Variants in MED13 observed in about 807,000 individuals in gnomAD.
MED13 encodes mediator complex subunit 13.
In MED13, 23 loss-of-function variants were observed where a neutral mutation model predicts 225.2. The observed-to-expected ratio is 0.10, with a 90% CI of 0.07 to 0.14. The LOEUF is 0.14. Among genes scored for constraint, MED13 ranks in the 10% least tolerant of loss-of-function variants. The probability of loss-of-function intolerance (pLI) is 1.00; values close to 1 mark genes in which losing one functional copy is unlikely to be tolerated. For missense variants in MED13, 2,197 were observed against 2,594.5 expected, an observed-to-expected ratio of 0.85 and a Z score of 3.33; for synonymous variants, 942 against 889.2, an observed-to-expected ratio of 1.06 and a Z score of -1.06.
At chr17:61,976,366 C>A (rs1173106422) in intron 16 of MED13, among the ~76,000 whole-genome samples, 1 of 152,182 alleles carries the variant, frequency 6.6e-6, no homozygotes, top group East Asian at 1.9e-4. Context: ...TCTAGAGAGA[C>A]AGAAAATAGA....
intron 9 of MED13, chr17:62,005,217 A>G (rs1014471483): frequency 1.3e-5 from 2 of 152,250 alleles, no homozygotes; most frequent in Non-Finnish European, 2.9e-5. Context: ...TACTTTCAAG[A>G]GACCTGCTGA....
At chr17:62,042,560 C>CAAAAAAAAAAAAA (rs377646442) in intron 3 of MED13, among the ~76,000 whole-genome samples, 1 of 60,300 alleles carries the variant, frequency 1.7e-5, no homozygotes, top group African/African-American at 5.8e-5. Flanking sequence ...GGTTTCATCT[C>CAAAAAAAAAAAAA]AAAAAAAAAA....
intron 19 of MED13, among the ~76,000 whole-genome samples, chr17:61,965,874 T>C (rs1281394935): frequency 6.6e-6 from 1 of 152,206 alleles, no homozygotes; most frequent in Non-Finnish European, 1.5e-5. Flanking sequence ...GTTATGGGGT[T>C]CAAATTATAG....
intron 2 of MED13, among the ~76,000 whole-genome samples, chr17:62,062,429 T>C (rs1243964717): frequency 1.3e-5 from 2 of 152,218 alleles, no homozygotes; most frequent in African/African-American, 4.8e-5. Context: ...TGATCCCATG[T>C]CCCATAAAAG....
chr17:61,948,835 C>T (rs1010159552), intron 28 of MED13, among the ~76,000 whole-genome samples: 2 of 151,082 alleles, frequency 1.3e-5, no homozygotes, highest in Non-Finnish European at 3.0e-5. Flanking sequence ...GCCTGTAATC[C>T]CAGCACTTTG....
chr17:61,961,593 G>A lies in MED13; in HGVS notation c.5251C>T (p.Pro1751Ser). Residue 1751 changes from proline to serine, a missense_variant, in exon 22 of 30, where the codon CCT becomes TCT. Pro to Ser is a moderately conservative substitution (Grantham distance 74). This residue lies in a region of MED13 where 457 missense variants were observed against 442.2 expected (regional missense o/e 1.03). Coordinates refer to ENST00000397786, the MANE Select transcript of MED13 (RefSeq NM_005121.3). ...GLAMETALRS[P>S]DRPECIRLYA... Reference sequence around the variant, plus strand: ...CATGAAAAACATATACTTACATCAGGACTTCTAAGGGCAGTTTCCATGGCT... The same window carrying A: ...CATGAAAAACATATACTTACATCAGAACTTCTAAGGGCAGTTTCCATGGCT... 2 of 1,610,744 alleles carry A rather than the reference G, an allele frequency of 1.2e-6. No individual in the cohort carries two copies. The highest frequency in any genetic ancestry group is 1.1e-5 in the South Asian group (1 of 90,958).
At chr17:62,033,510 A>T (rs1436516034) in intron 5 of MED13, among the ~76,000 whole-genome samples, 1 of 152,216 alleles carries the variant, frequency 6.6e-6, no homozygotes, top group Non-Finnish European at 1.5e-5. Flanking sequence ...GAGTACACTT[A>T]CATGGTTAGG....
intron 2 of MED13, among the ~76,000 whole-genome samples, chr17:62,054,710 A>AT (rs1468354089): frequency 6.6e-6 from 1 of 152,226 alleles, no homozygotes; most frequent in African/African-American, 2.4e-5. Context: ...TTTACCTCAA[A>AT]TTATGAGACT....
At chr17:62,049,799 G>A (rs1403084162) in intron 3 of MED13, among the ~76,000 whole-genome samples, 2 of 151,714 alleles carry the variant, frequency 1.3e-5, no homozygotes, top group Non-Finnish European at 1.5e-5. Flanking sequence ...GCGTGGTGGC[G>A]GGCACCTGTA....
intron 19 of MED13, 102 bp downstream of exon 19, chr17:61,966,360 A>T: frequency 1.1e-6 from 1 of 896,398 alleles, no homozygotes. Flanking sequence ...TACATAAATG[A>T]GGATGGCTGT....
chr17:61,996,334 T>C (rs1467858241), intron 9 of MED13, among the ~76,000 whole-genome samples: 4 of 152,178 alleles, frequency 2.6e-5, no homozygotes, highest in African/African-American at 9.6e-5. Context: ...TTTACAAAGC[T>C]AAGGTTCTCA....
intron 3 of MED13, among the ~76,000 whole-genome samples, chr17:62,040,988 T>C (rs1271205217): frequency 3.3e-5 from 5 of 152,156 alleles, no homozygotes; most frequent in Non-Finnish European, 5.9e-5. Flanking sequence ...CCTCCAAAAA[T>C]TGTACTTCAA....
Position 61,962,856 on chromosome 17 carries a change from C to T in MED13, c.4960G>A (p.Glu1654Lys). 5.0e-6 allele frequency: 8 copies of T among 1,614,058 alleles called. No homozygotes were observed. The highest frequency in any genetic ancestry group is 2.2e-5 in the East Asian group (1 of 44,870). Residue 1654 changes from glutamate to lysine, a missense_variant, in exon 21 of 30, where the codon GAG (glutamate) becomes AAG (lysine). Glu to Lys is a moderately conservative substitution (Grantham distance 56). This residue lies in a region of MED13 where 457 missense variants were observed against 442.2 expected (regional missense o/e 1.03). Coordinates refer to ENST00000397786, the MANE Select transcript of MED13 (RefSeq NM_005121.3). ...IDPFTYENTD[E>K]STNSSSVWTL... ...CACACACTAGAAGAGTTAGTGCTCT[C>T]GTCTGTATTTTCGTATGTAAAAGGA...
intron 23 of MED13, among the ~76,000 whole-genome samples, chr17:61,958,818 G>A (rs1040624699): frequency 3.9e-5 from 6 of 152,128 alleles, no homozygotes; most frequent in African/African-American, 1.2e-4. Flanking sequence ...ACCATCCATT[G>A]TGCCCAATCA....
intron 17 of MED13, among the ~76,000 whole-genome samples, chr17:61,969,265 T>G (rs941010873): frequency 6.6e-6 from 1 of 152,024 alleles, no homozygotes; most frequent in African/African-American, 2.4e-5. Context: ...TGAAGCAGAA[T>G]TGCTTGAACC....
At chr17:62,037,163 G>A (rs547519929) in intron 3 of MED13, among the ~76,000 whole-genome samples, 2 of 152,194 alleles carry the variant, frequency 1.3e-5, no homozygotes, top group South Asian at 4.2e-4. Flanking sequence ...TGAGGCATGC[G>A]AATCGCTTGA....
Position 62,035,418 on chromosome 17 carries a change from T to C in MED13, c.616+45A>G. 2.0e-6 allele frequency: 3 copies of C among 1,466,652 alleles called. No individual in the cohort carries two copies. In the East Asian group the frequency reaches 7.0e-5, roughly 34 times the overall value. 90.9% of individuals were successfully genotyped at this position (1,466,652 alleles called of 1,614,324 possible). The stretch of plus-strand genomic sequence containing the variant: ...GTAAAATTATGAAGTCAAATAAGGA[T>C]CTTTCAATAAAAGATCAAATACCTA... On this transcript the variant is annotated intron_variant, in intron 4 of 29. Transcript: ENST00000397786.
chr17:62,060,738 C>T (rs1399143546), intron 2 of MED13, among the ~76,000 whole-genome samples: 1 of 150,804 alleles, frequency 6.6e-6, no homozygotes, highest in South Asian at 2.1e-4. Flanking sequence ...CTCACTCTGT[C>T]GCCCAGGCTG....
At chr17:62,041,691 C>G (rs1301270396) in intron 3 of MED13, among the ~76,000 whole-genome samples, 2 of 152,090 alleles carry the variant, frequency 1.3e-5, no homozygotes, top group African/African-American at 4.8e-5. Context: ...ATTTTCCTGC[C>G]TCAGCCAACG....
Sources: allele counts gnomAD v4.1 joint callset (sites outside exome capture counted in the v4.1 genomes callset), GRCh38; gene constraint gnomAD v4.1.1; regional missense constraint gnomAD v4.1.1; transcripts MANE v1.5; gene names NCBI Gene and HGNC (gene_info 2026-07-23, HGNC 2026-07-21).